Variants in GRM4 observed in about 807,000 individuals in gnomAD.
GRM4 encodes glutamate metabotropic receptor 4.
Under a neutral mutation model 81.7 loss-of-function variants are expected in GRM4, and 28 were observed. That is an observed-to-expected ratio of 0.34 (90% CI 0.25 to 0.47). The LOEUF is 0.47. Among genes scored for constraint, GRM4 ranks in the 20% least tolerant of loss-of-function variants. GRM4 has a pLI of 1.00. For missense variants in GRM4, 948 were observed against 1,290.0 expected, an observed-to-expected ratio of 0.73 and a Z score of 4.06; for synonymous variants, 488 against 528.8, an observed-to-expected ratio of 0.92 and a Z score of 1.06.
At chr6:34,143,614 G>C (rs886563548) in intron 1 of GRM4, among the ~76,000 whole-genome samples, 1 of 152,236 alleles carries the variant, frequency 6.6e-6, no homozygotes, top group Non-Finnish European at 1.5e-5. Context: ...GGGCTCTGAG[G>C]AGCTGAGCAT....
chr6:34,028,419 T>G, intron 9 of GRM4, 53 bp from the exon 10 acceptor site: 1 of 1,568,636 alleles, frequency 6.4e-7, no homozygotes, highest in Non-Finnish European at 8.6e-7. Context: ...CTGAGGGCCC[T>G]GACTCCCGCC....
intron 2 of GRM4, among the ~76,000 whole-genome samples, chr6:34,125,075 G>A (rs763061881): frequency 3.9e-5 from 6 of 152,078 alleles, no homozygotes; most frequent in African/African-American, 1.4e-4. Context: ...CCGGGTTCAC[G>A]CCATTCTCCT....
At position 34,092,022 on chromosome 6, in the gene GRM4, C is replaced by T. The variant is rs770677311; in HGVS notation, c.597G>A (p.Val199=). 2.5e-6 allele frequency: 4 copies of T among 1,613,910 alleles called. No individual in the cohort carries two copies. In the Admixed American group the frequency reaches 6.7e-5, roughly 27 times the overall value. The part of the protein sequence containing the change: ...NSRYDFFSRV[V]PSDTYQAQAM... ...CCTGGGCCTGGTACGTGTCCGAGGG[C>T]ACCACGCGGGAGAAGAAGTCGTAGC... Residue 199 remains valine, a synonymous_variant, in exon 3 of 11, where the codon GTG becomes GTA. Coordinates refer to ENST00000538487, the MANE Select transcript of GRM4 (RefSeq NM_000841.4). The surrounding 1 kb of genome is among the most constrained non-coding windows in gnomAD (Gnocchi z 6.8).
At chr6:34,120,293 G>C (rs540913585) in intron 2 of GRM4, among the ~76,000 whole-genome samples, 1 of 152,064 alleles carries the variant, frequency 6.6e-6, no homozygotes, top group Non-Finnish European at 1.5e-5. Context: ...CAGGGCCTGG[G>C]GCTCCCTGGC....
At chr6:34,099,514 AG>A (rs1489153514) in intron 2 of GRM4, among the ~76,000 whole-genome samples, 6 of 151,948 alleles carry the variant, frequency 3.9e-5, no homozygotes, top group Non-Finnish European at 7.4e-5. Flanking sequence ...GGGGACTAGC[AG>A]GGGGGTGCAG....
Position 34,098,596 on chromosome 6 carries a change from C to A in GRM4, c.520-6497G>T, listed in dbSNP as rs1768663299. On this transcript the variant is annotated intron_variant, in intron 2 of 10. Transcript: ENST00000538487. The stretch of plus-strand genomic sequence containing the variant: ...CAGGGGACCCTGCACGGGGCCAGCA[C>A]AAGCCCCAGGCTTGGCTGCCTGCTC... Among the ~76,000 whole-genome samples the A allele has an allele frequency of 1.3e-5, 2 of 152,252 alleles. 1 individual carries two copies. The highest frequency in any genetic ancestry group is 2.9e-5 in the Non-Finnish European group (2 of 68,042).
In GRM4 at chr6:34,036,587, C is replaced by A; in HGVS notation, c.1523G>T (p.Trp508Leu). Residue 508 changes from tryptophan (W) to leucine (L), a missense_variant, in exon 9 of 11, where the codon TGG (tryptophan) becomes TTG (leucine). Physicochemically the swap from Trp to Leu is moderately conservative, Grantham distance 61 (BLOSUM62 -2). Coordinates refer to ENST00000538487, the MANE Select transcript of GRM4 (RefSeq NM_000841.4). The surrounding 1 kb of genome is among the most constrained non-coding windows in gnomAD (Gnocchi z 9.0). ...HLHLRIERMH[W>L]PGSGQQLPRS... ...GGGCAGCTGCTGCCCGCTCCCCGGC[C>A]AGTGCATCCGCTCTATCTGGCAATG... 1.3e-6 allele frequency: 2 copies of A among 1,577,114 alleles called. No individual in the cohort carries two copies. The highest frequency in any genetic ancestry group is 1.7e-6 in the Non-Finnish European group (2 of 1,158,868).
At chr6:34,030,134 G>C (rs1223508753) in intron 9 of GRM4, among the ~76,000 whole-genome samples, 2 of 152,252 alleles carry the variant, frequency 1.3e-5, no homozygotes, top group Non-Finnish European at 2.9e-5. Flanking sequence ...TGAGAAGGCA[G>C]GAAGAAGCTC....
At chr6:34,043,727 G>A (rs1488048196) in intron 6 of GRM4, among the ~76,000 whole-genome samples, 1 of 152,168 alleles carries the variant, frequency 6.6e-6, no homozygotes, top group Non-Finnish European at 1.5e-5. Flanking sequence ...GGGGCCAAGT[G>A]CTCTCTCTGG....
chr6:34,094,021 G>A (rs1768382381), intron 2 of GRM4, among the ~76,000 whole-genome samples: 1 of 152,214 alleles, frequency 6.6e-6, no homozygotes, highest in African/African-American at 2.4e-5. Context: ...AGAGGGGATT[G>A]TTTAAAGAAG....
In GRM4 at chr6:34,040,205, G is replaced by A; in HGVS notation, c.1479C>T (p.Gly493=). 1 of 1,614,116 alleles carries A rather than the reference G, an allele frequency of 6.2e-7. No homozygotes were observed. Among genetic ancestry groups the A allele is most frequent in the African/African-American group, 1.3e-5 (1 of 75,064 alleles). ...RNDSAEYKVI[G]SWTDHLHLRI... is the part of the protein sequence containing the mutation. ...TAAGGTGCAGGTGGTCAGTCCAGGA[G>A]CCAATGACCTTGTACTCGGCAGAAT... The change falls in exon 8 of 11, where the codon GGC becomes GGT. Residue 493 remains glycine, a synonymous_variant. Transcript: ENST00000538487.
At chr6:34,134,142 G>A (rs1014829475) in intron 1 of GRM4, among the ~76,000 whole-genome samples, 2 of 152,082 alleles carry the variant, frequency 1.3e-5, no homozygotes, top group East Asian at 1.9e-4. Context: ...GAACAGCCTC[G>A]AACTGGCTTG....
chr6:34,022,945 G>T lies in GRM4; in HGVS notation c.2690-75C>A. 4 of 1,155,976 alleles carry T rather than the reference G, an allele frequency of 3.5e-6. No individual in the cohort carries two copies. Among genetic ancestry groups the T allele is most frequent in the Non-Finnish European group, 5.2e-6 (4 of 763,198 alleles). 71.6% of individuals were successfully genotyped at this position (1,155,976 alleles called of 1,614,324 possible). ...CAAACTGTCCTTCCACATGGGCACA[G>T]CCCTGCACAAGAACCTACCATAGCT... On this transcript the variant is annotated intron_variant, in intron 10 of 10. Coordinates refer to ENST00000538487, the MANE Select transcript of GRM4 (RefSeq NM_000841.4). This position sits in a 1 kb window ranked among gnomAD's most constrained non-coding sequence, Gnocchi z 5.6.
chr6:34,132,688 C>T (rs1267852104), intron 2 of GRM4, among the ~76,000 whole-genome samples: 1 of 152,182 alleles, frequency 6.6e-6, no homozygotes. Flanking sequence ...AGTGGAGTTG[C>T]TCACCGAGCC....
intron 2 of GRM4, among the ~76,000 whole-genome samples, chr6:34,119,257 A>C (rs990477493): frequency 6.6e-6 from 1 of 152,184 alleles, no homozygotes; most frequent in Non-Finnish European, 1.5e-5. Context: ...TTAGCCAGGC[A>C]TGGTGGCGGG....
chr6:34,031,735 G>C (rs190800384), intron 9 of GRM4, among the ~76,000 whole-genome samples: 1 of 152,326 alleles, frequency 6.6e-6, no homozygotes, highest in East Asian at 1.9e-4. Flanking sequence ...CCGGGCTAAG[G>C]CTGGGAAATC....
chr6:34,145,207 G>A (rs529174140), intron 1 of GRM4, among the ~76,000 whole-genome samples: 2 of 151,712 alleles, frequency 1.3e-5, no homozygotes, highest in Non-Finnish European at 2.9e-5. Context: ...CCGGGCCGCG[G>A]CGGGCAGCGC....
At chr6:34,071,553 T>C (rs1278805300) in intron 3 of GRM4, among the ~76,000 whole-genome samples, 2 of 990 alleles carry the variant, frequency 2.0e-3, no homozygotes, top group African/African-American at 2.3e-3. Context: ...CATACACACA[T>C]CACACAGATA....
rs1767448760 is a variant in GRM4, at chr6:34,078,884, G to A, written c.736+12999C>T. Among the ~76,000 whole-genome samples, 5 of 152,166 alleles carry A rather than the reference G, an allele frequency of 3.3e-5. No individual in the cohort carries two copies. The South Asian group carries it at 1.0e-3, about 32-fold the overall frequency. On this transcript the variant is annotated intron_variant, in intron 3 of 10. Coordinates refer to ENST00000538487, the MANE Select transcript of GRM4 (RefSeq NM_000841.4). This position sits in a 1 kb window ranked among gnomAD's most constrained non-coding sequence, Gnocchi z 4.8. The stretch of plus-strand genomic sequence containing the variant: ...TGATCATTCTGTCTACCGCAAAATG[G>A]GGCACAGATATAATGGGGCAGCATG...
Sources: allele counts gnomAD v4.1 joint callset (sites outside exome capture counted in the v4.1 genomes callset), GRCh38; gene constraint gnomAD v4.1.1; non-coding constraint Gnocchi (gnomAD v3.1); transcripts MANE v1.5; gene names NCBI Gene and HGNC (gene_info 2026-07-23, HGNC 2026-07-21).